CDIN1: variants seen among roughly 807,000 people sequenced by gnomAD.
CDIN1 encodes the protein CDAN1-interacting nuclease 1.
CDIN1 carries 33 observed loss-of-function variants against 45.3 expected under a neutral mutation model. The observed-to-expected ratio is 0.73, with a 90% CI of 0.55 to 0.97. The LOEUF is 0.97. CDIN1 is among the 50% of genes least tolerant of loss of function. CDIN1 has a pLI of 0.00. For missense variants in CDIN1, 303 were observed against 339.4 expected, an observed-to-expected ratio of 0.89 and a Z score of 0.84; for synonymous variants, 118 against 124.4, an observed-to-expected ratio of 0.95 and a Z score of 0.34.
At chr15:36,713,920 A>G (rs1391515669) in intron 10 of CDIN1, among the ~76,000 whole-genome samples, 1 of 152,204 alleles carries the variant, frequency 6.6e-6, no homozygotes, top group South Asian at 2.1e-4. Flanking sequence ...CCTCCAATTA[A>G]TGTTGAGTTC....
At chr15:36,588,398 T>G (rs1366039416) in intron 1 of CDIN1, among the ~76,000 whole-genome samples, 5 of 152,194 alleles carry the variant, frequency 3.3e-5, no homozygotes, top group African/African-American at 7.2e-5. Context: ...TGTGGTCAAT[T>G]TTCTACACTT....
At chr15:36,622,085 G>A (rs565411852) in intron 1 of CDIN1, among the ~76,000 whole-genome samples, 2 of 152,280 alleles carry the variant, frequency 1.3e-5, no homozygotes, top group Non-Finnish European at 2.9e-5. Flanking sequence ...TGGAAAACTT[G>A]AAGAGAAAAA....
chr15:36,773,313 G>T (rs1224308533), intron 10 of CDIN1, among the ~76,000 whole-genome samples: 1 of 152,156 alleles, frequency 6.6e-6, no homozygotes, highest in Non-Finnish European at 1.5e-5. Context: ...CTGTTCAACA[G>T]AACATTCTGC....
chr15:36,613,895 C>T (rs2038764882), intron 1 of CDIN1: 6 of 1,554,512 alleles, frequency 3.9e-6, no homozygotes, highest in East Asian at 2.2e-5. Flanking sequence ...AGACTTGGAA[C>T]GCACAGAGAA....
chr15:36,584,740 A>G (rs987338466), intron 1 of CDIN1, among the ~76,000 whole-genome samples: 3 of 152,210 alleles, frequency 2.0e-5, no homozygotes, highest in African/African-American at 7.2e-5. Flanking sequence ...TAGACATGCC[A>G]GTTCTGCAGA....
intron 10 of CDIN1, among the ~76,000 whole-genome samples, chr15:36,797,782 C>T (rs563740755): frequency 3.3e-5 from 5 of 152,048 alleles, no homozygotes; most frequent in African/African-American, 7.2e-5. Context: ...GCGTTCAAGA[C>T]GAGCCTTGCC....
chr15:36,666,299 T>A (rs2041246109), intron 5 of CDIN1, among the ~76,000 whole-genome samples: 1 of 152,158 alleles, frequency 6.6e-6, no homozygotes, highest in Non-Finnish European at 1.5e-5. Context: ...CCCCCACTGA[T>A]GAAATGTAGT....
chr15:36,632,394 C>A (rs537283725), intron 1 of CDIN1, among the ~76,000 whole-genome samples: 1 of 152,250 alleles, frequency 6.6e-6, no homozygotes, highest in African/African-American at 2.4e-5. Context: ...TCCCTGAATT[C>A]TACACTAACC....
At chr15:36,669,338 T>A (rs1292573711) in intron 5 of CDIN1, among the ~76,000 whole-genome samples, 1 of 152,134 alleles carries the variant, frequency 6.6e-6, no homozygotes, top group Non-Finnish European at 1.5e-5. Flanking sequence ...CAGGGGTTGA[T>A]GTTTTTAGTG....
chr15:36,687,336 A>T (rs1395298846), intron 5 of CDIN1, among the ~76,000 whole-genome samples: 1 of 152,200 alleles, frequency 6.6e-6, no homozygotes, highest in African/African-American at 2.4e-5. Flanking sequence ...ATAATGACAC[A>T]ATAAAGTTCA....
chr15:36,775,339 G>A (rs1318164751), intron 10 of CDIN1, among the ~76,000 whole-genome samples: 1 of 152,206 alleles, frequency 6.6e-6, no homozygotes, highest in East Asian at 1.9e-4. Flanking sequence ...TCAAAGCCAT[G>A]TGTTGTATTA....
At chr15:36,713,744 T>C (rs928478347) in intron 10 of CDIN1, among the ~76,000 whole-genome samples, 9 of 152,234 alleles carry the variant, frequency 5.9e-5, no homozygotes, top group African/African-American at 2.2e-4. Context: ...TTTAATTGCC[T>C]TCTTTGCCAC....
intron 7 of CDIN1, among the ~76,000 whole-genome samples, chr15:36,692,476 G>A (rs1434886220): frequency 6.6e-6 from 1 of 152,052 alleles, no homozygotes; most frequent in Non-Finnish European, 1.5e-5. Flanking sequence ...TAATGTCTTG[G>A]AATGTATCTA....
At chr15:36,615,180 T>G (rs1308075535) in intron 1 of CDIN1, among the ~76,000 whole-genome samples, 1 of 152,198 alleles carries the variant, frequency 6.6e-6, no homozygotes, top group African/African-American at 2.4e-5. Context: ...GAAACTTTGC[T>G]TCTTTGGGTT....
intron 10 of CDIN1, among the ~76,000 whole-genome samples, chr15:36,716,826 C>G (rs1284047891): frequency 6.6e-6 from 1 of 152,162 alleles, no homozygotes; most frequent in Non-Finnish European, 1.5e-5. Context: ...AAGTCCAGGT[C>G]AGCAAACATT....
At chr15:36,769,601 A>G (rs758420313) in intron 10 of CDIN1, among the ~76,000 whole-genome samples, 1 of 152,350 alleles carries the variant, frequency 6.6e-6, no homozygotes, top group East Asian at 1.9e-4. Context: ...ACTGGGCACC[A>G]TAGCCTAGCC....
chr15:36,725,715 A>G (rs149476956), intron 10 of CDIN1, among the ~76,000 whole-genome samples: 1,642 of 152,310 alleles, frequency 0.011, 20 homozygotes, highest in Non-Finnish European at 0.019. Flanking sequence ...TGTTAGATTT[A>G]TCTACTGTGA....
chr15:36,752,557 T>C (rs1163333505), intron 10 of CDIN1, among the ~76,000 whole-genome samples: 1 of 152,202 alleles, frequency 6.6e-6, no homozygotes, highest in Non-Finnish European at 1.5e-5. Context: ...TGATAGCTCT[T>C]AAAAAGCAGT....
At chr15:36,705,235 T>C (rs1253423051) in intron 8 of CDIN1, 1 of 152,200 alleles carries the variant, frequency 6.6e-6, no homozygotes, top group African/African-American at 2.4e-5. Context: ...TTATTTAAGA[T>C]AAATTGGAGA....
Sources: allele counts gnomAD v4.1 joint callset (sites outside exome capture counted in the v4.1 genomes callset), GRCh38; gene constraint gnomAD v4.1.1; transcripts MANE v1.5; gene names NCBI Gene and HGNC (gene_info 2026-07-23, HGNC 2026-07-21).